The following DEPDC4 variants were observed in gnomAD, a reference collection of about 807,000 sequenced individuals.
DEPDC4 encodes DEP domain-containing protein 4.
Under a neutral mutation model 52.0 loss-of-function variants are expected in DEPDC4, and 52 were observed. The observed-to-expected ratio is 1.00, with a 90% CI of 0.80 to 1.26. DEPDC4 has a LOEUF of 1.26. Ranked by LOEUF, DEPDC4 falls within the 50% of genes most tolerant of loss-of-function variation. The probability of loss-of-function intolerance (pLI) is 0.00; values close to 1 mark genes in which losing one functional copy is unlikely to be tolerated. For missense variants in DEPDC4, 530 were observed against 546.9 expected, an observed-to-expected ratio of 0.97 and a Z score of 0.31; for synonymous variants, 201 against 196.8, an observed-to-expected ratio of 1.02 and a Z score of -0.18.
intron 3 of DEPDC4, among the ~76,000 whole-genome samples, chr12:100,256,893 G>A (rs542440461): frequency 1.4e-4 from 22 of 151,910 alleles, no homozygotes; most frequent in Admixed American, 1.1e-3. Flanking sequence ...CGCCCGCCTC[G>A]GCCTCCCAAA....
At chr12:100,233,082 T>A (rs2096136899) in intron 9 of DEPDC4, among the ~76,000 whole-genome samples, 1 of 152,158 alleles carries the variant, frequency 6.6e-6, no homozygotes, top group African/African-American at 2.4e-5. Flanking sequence ...AGTAAACTGT[T>A]CAAGGTCACA....
At chr12:100,237,700 G>T (rs2096143680), downstream of DEPDC4, 1 of 151,980 alleles carries the variant, frequency 6.6e-6, no homozygotes, top group African/African-American at 2.4e-5. Flanking sequence ...GTATTATCTG[G>T]CCCAATCTTA....
downstream of DEPDC4, among the ~76,000 whole-genome samples, chr12:100,235,093 A>C (rs2096139415): frequency 6.6e-6 from 1 of 152,018 alleles, no homozygotes; most frequent in Admixed American, 6.6e-5. Flanking sequence ...ATACACATAC[A>C]TATACATATA....
At chr12:100,253,463 A>T (rs1266711207) in intron 5 of DEPDC4, 26 bp downstream of exon 5, 1 of 1,065,962 alleles carries the variant, frequency 9.4e-7, no homozygotes, top group Non-Finnish European at 1.2e-6. Flanking sequence ...TACACCAAAA[A>T]TTAAAATATA....
At chr12:100,278,670 G>A in the DEPDC4 span, among the ~76,000 whole-genome samples, 36 of 135,462 alleles carry the variant, frequency 2.7e-4, no homozygotes, top group East Asian at 4.4e-3. Context: ...TTGCTCCCTC[G>A]CCAAGCTGGA....
At chr12:100,255,909 G>A in intron 4 of DEPDC4, 140 bp downstream of exon 4, 3 of 592,222 alleles carry the variant, frequency 5.1e-6, no homozygotes, top group Non-Finnish European at 8.5e-6. Context: ...TAGATCAAAT[G>A]AGGATTCATA....
At chr12:100,241,971 T>C (rs1201492894) in intron 9 of DEPDC4, 126 bp from the exon 10 acceptor site, 1 of 432,922 alleles carries the variant, frequency 2.3e-6, no homozygotes, top group Non-Finnish European at 3.1e-6. Context: ...AGGCTTTCTT[T>C]GTTCCACAGT....
intron 9 of DEPDC4, among the ~76,000 whole-genome samples, 164 bp downstream of exon 9, chr12:100,242,322 G>A (rs1407569429): frequency 2.1e-5 from 3 of 146,124 alleles, no homozygotes; most frequent in East Asian, 2.0e-4. Flanking sequence ...TTACTATGAG[G>A]GCTTTTTTTT....
chr12:100,266,888 A>C, intron 1 of DEPDC4, 32 bp downstream of exon 1: 1 of 1,598,512 alleles, frequency 6.3e-7, no homozygotes, highest in Non-Finnish European at 8.5e-7. Context: ...CTCCACCTTC[A>C]CTGCACATTT....
upstream of DEPDC4, chr12:100,267,202 T>A: frequency 9.9e-7 from 1 of 1,008,374 alleles, no homozygotes; most frequent in Non-Finnish European, 1.4e-6. Flanking sequence ...CCCTTACTCT[T>A]CGTCCCCGGT....
chr12:100,279,585 G>A, the DEPDC4 span, among the ~76,000 whole-genome samples: 1 of 152,116 alleles, frequency 6.6e-6, no homozygotes, highest in Admixed American at 6.5e-5. Flanking sequence ...GTTTTGTTCT[G>A]GTAGGCTGTT....
intron 6 of DEPDC4, 23 bp from the exon 7 acceptor site, chr12:100,252,324 T>G: frequency 6.7e-7 from 1 of 1,501,722 alleles, no homozygotes; most frequent in Non-Finnish European, 8.8e-7. Context: ...AGATTAACAT[T>G]AGCATAAATG....
At chr12:100,255,794 A>C in intron 4 of DEPDC4, 1 of 246,504 alleles carries the variant, frequency 4.1e-6, no homozygotes, top group Non-Finnish European at 7.8e-6. Flanking sequence ...AAATGACAGA[A>C]TTTTGGATGA....
chr12:100,263,493 TA>T lies in DEPDC4; in HGVS notation c.554+3del. The T allele has an allele frequency of 1.3e-6, 2 of 1,567,126 alleles. No homozygotes were observed. The highest frequency in any genetic ancestry group is 1.7e-6 in the Non-Finnish European group (2 of 1,160,420). On this transcript the variant is annotated splice_donor_region_variant and intron_variant, in intron 2 of 9. Transcript: ENST00000550587. The stretch of plus-strand genomic sequence containing the variant: ...TATATTACAGTATCTTAGGTAACAC[TA>T]ACCTCAAGGTTTCATTGAACTCATT...
chr12:100,262,353 A>T lies in DEPDC4; in HGVS notation c.611T>A (p.Ile204Asn). The T allele has an allele frequency of 6.2e-7, 1 of 1,613,566 alleles. No homozygotes were observed. The highest frequency in any genetic ancestry group is 8.5e-7 in the Non-Finnish European group (1 of 1,179,822). ...ATTTATTGTATGAATAAGTTCCTCA[A>T]TTCTTTCCTCACCAATCTCCTGTGC... ...PLAQEIGEER[I>N]EELIHTINGN... The change falls in exon 3 of 10, where the codon ATT becomes AAT. Residue 204 changes from isoleucine (I) to asparagine (N), a missense_variant. By Grantham distance (149) the Ile-to-Asn change is moderately radical. Coordinates refer to ENST00000550587, the MANE Select transcript of DEPDC4 (RefSeq NM_001364818.2).
At chr12:100,277,758 T>G in the DEPDC4 span, among the ~76,000 whole-genome samples, 51 of 152,324 alleles carry the variant, frequency 3.3e-4, no homozygotes, top group African/African-American at 1.2e-3. Context: ...ATTTTGTATT[T>G]GCCACATTTG....
chr12:100,234,321 A>G (rs773541753), intron 9 of DEPDC4, among the ~76,000 whole-genome samples: 1 of 152,198 alleles, frequency 6.6e-6, no homozygotes, highest in Non-Finnish European at 1.5e-5. Context: ...ATAGCCAAGA[A>G]GCAGGTCAGG....
chr12:100,251,213 G>T (rs1319713741), intron 7 of DEPDC4, among the ~76,000 whole-genome samples: 2 of 152,104 alleles, frequency 1.3e-5, no homozygotes, highest in East Asian at 3.9e-4. Context: ...GGGGTTAAAG[G>T]CATGTATCAC....
the DEPDC4 span, among the ~76,000 whole-genome samples, chr12:100,277,049 A>G: frequency 3.9e-5 from 6 of 152,080 alleles, no homozygotes; most frequent in African/African-American, 1.4e-4. Context: ...CAGTTTTTCT[A>G]TATATTTTAA....
Sources: gnomAD v4.1 joint callset for allele counts (sites outside exome capture counted in the v4.1 genomes callset) on GRCh38, gnomAD v4.1.1 for gene constraint, MANE v1.5 for transcripts, NCBI Gene and HGNC (gene_info 2026-07-23, HGNC 2026-07-21) for gene names.